Variants in CHRNA7 observed in about 807,000 individuals in gnomAD.
CHRNA7 encodes cholinergic receptor nicotinic alpha 7 subunit, also known as neuronal acetylcholine receptor subunit alpha-7.
In CHRNA7, 17 loss-of-function variants were observed where a neutral mutation model predicts 48.0. The observed-to-expected ratio is 0.35, with a 90% confidence interval of 0.24 to 0.53. The LOEUF (loss-of-function observed/expected upper bound fraction) is 0.53, where lower values mean the gene tolerates loss of function less well. Ranked by LOEUF, CHRNA7 falls within the 20% of genes least tolerant of loss-of-function variation. CHRNA7 has a pLI of 0.92. For synonymous variants in CHRNA7, 75 were observed against 242.3 expected (o/e 0.31, Z 6.41); for missense variants, 155 against 577.7 (o/e 0.27, Z 7.50).
rs76142924 is a variant in CHRNA7, at chr15:32,105,122, G to A, written c.240+3775G>A. Among the ~76,000 whole-genome samples the A allele has an allele frequency of 8.4e-3, 1,283 of 152,294 alleles. 118 individuals are homozygous for A. In the East Asian group the frequency reaches 0.2, roughly 24 times the overall value. ...GACCTCTAAATTTATTTCAAGCACAGCTAATTTTAATTAAGGCTTACATTT... is the reference window on the plus strand; with the variant it reads ...GACCTCTAAATTTATTTCAAGCACAACTAATTTTAATTAAGGCTTACATTT... On this transcript the variant is annotated intron_variant, in intron 3 of 9. Transcript: ENST00000306901.
At chr15:32,045,035 G>A (rs1239025661) in intron 2 of CHRNA7, among the ~76,000 whole-genome samples, 1 of 152,068 alleles carries the variant, frequency 6.6e-6, no homozygotes, top group South Asian at 2.1e-4. Context: ...CCCATTTATT[G>A]ACTCCTTTTT....
At chr15:32,093,415 A>C (rs1268435774) in intron 2 of CHRNA7, among the ~76,000 whole-genome samples, 1 of 152,162 alleles carries the variant, frequency 6.6e-6, no homozygotes, top group East Asian at 1.9e-4. Context: ...CCTGAGAAGG[A>C]TGGGGCAGCT....
At chr15:32,091,314 T>C (rs1169653894) in intron 2 of CHRNA7, among the ~76,000 whole-genome samples, 2 of 152,200 alleles carry the variant, frequency 1.3e-5, no homozygotes. Flanking sequence ...GGTATAATCA[T>C]TGTGTTTTCT....
chr15:32,155,577 T>TA lies in CHRNA7; in HGVS notation c.430+1592dup, dbSNP rs2141369787. ...GGCTATTTTAGAAAACAGCCTCCGG[T>TA]AGTCACCAGTGTAGAATATGCTGCT... On this transcript the variant is annotated intron_variant, in intron 5 of 9. Transcript: ENST00000306901. 2.3e-5 allele frequency among the ~76,000 whole-genome samples: 2 copies of TA among 86,290 alleles called. 1 individual carries two copies. Among genetic ancestry groups the TA allele is most frequent in the African/African-American group, 9.4e-5 (2 of 21,384 alleles). The allele number at this position is 86,290 out of a possible 152,430, so 56.6% of individuals were successfully genotyped here.
At chr15:32,040,841 A>C (rs536565385) in intron 2 of CHRNA7, among the ~76,000 whole-genome samples, 1 of 151,410 alleles carries the variant, frequency 6.6e-6, no homozygotes, top group African/African-American at 2.4e-5. Flanking sequence ...TTCTTTTAAC[A>C]TTTTTTCAAG....
In CHRNA7 at chr15:32,030,526, C is replaced by T. The variant is rs1595363586; in HGVS notation, c.-69C>T. The T allele has an allele frequency of 7.4e-6, 10 of 1,347,866 alleles. No homozygotes were observed. The highest frequency in any genetic ancestry group is 3.1e-5 in the East Asian group (1 of 31,960). The allele number at this position is 1,347,866 out of a possible 1,614,324, so 83.5% of individuals were successfully genotyped here. A position where few individuals can be genotyped will look rare whatever the true frequency, so the allele number is the denominator to read the frequency against. On this transcript the variant is annotated 5_prime_UTR_variant, in exon 1 of 10. Transcript: ENST00000306901. ...CCGAGCGGCGAGGTGCCTCTGTGGC[C>T]GCAGGCGCAGGCCCGGGCGACAGCC...
intron 4 of CHRNA7, among the ~76,000 whole-genome samples, chr15:32,129,010 T>C (rs1236981617): frequency 7.2e-5 from 11 of 151,936 alleles, no homozygotes; most frequent in Non-Finnish European, 1.3e-4. Flanking sequence ...TCAATTGATA[T>C]AATCAGGTGA....
intron 2 of CHRNA7, among the ~76,000 whole-genome samples, chr15:32,055,197 G>A (rs1176595973): frequency 3.3e-5 from 5 of 151,390 alleles, no homozygotes; most frequent in Non-Finnish European, 5.9e-5. Flanking sequence ...TTTGAGAAGT[G>A]TCTAATCGTG....
At chr15:32,135,812 C>T (rs546751734) in intron 4 of CHRNA7, among the ~76,000 whole-genome samples, 1 of 152,166 alleles carries the variant, frequency 6.6e-6, no homozygotes, top group East Asian at 1.9e-4. Flanking sequence ...AAAAAAAGAT[C>T]CTAGAAGCGA....
At chr15:32,067,875 G>A (rs905995183) in intron 2 of CHRNA7, among the ~76,000 whole-genome samples, 4 of 152,160 alleles carry the variant, frequency 2.6e-5, no homozygotes, top group East Asian at 1.9e-4. Context: ...GGGAAAAACA[G>A]CTTTACAAGA....
chr15:32,040,879 A>C (rs1595374774), intron 2 of CHRNA7, among the ~76,000 whole-genome samples: 1 of 151,710 alleles, frequency 6.6e-6, no homozygotes, highest in Non-Finnish European at 1.5e-5. Context: ...AAATTTCTTC[A>C]ATTTTTGCCT....
chr15:32,060,233 G>A (rs1482793259), intron 2 of CHRNA7, among the ~76,000 whole-genome samples: 1 of 152,138 alleles, frequency 6.6e-6, no homozygotes, highest in Non-Finnish European at 1.5e-5. Flanking sequence ...CTGGAGGAGT[G>A]AGGGTAGTGT....
intron 5 of CHRNA7, among the ~76,000 whole-genome samples, chr15:32,155,037 AACC>A (rs535972855): frequency 2.2e-3 from 80 of 36,724 alleles, no homozygotes; most frequent in Middle Eastern, 0.016. Flanking sequence ...AAACCACTCA[AACC>A]ACCAACACAC....
intron 2 of CHRNA7, among the ~76,000 whole-genome samples, chr15:32,098,051 T>C (rs2050501715): frequency 6.6e-6 from 1 of 152,216 alleles, no homozygotes; most frequent in African/African-American, 2.4e-5. Context: ...CAGAGGGCCA[T>C]GTGGGAACTA....
At chr15:32,073,073 C>G (rs534974991) in intron 2 of CHRNA7, among the ~76,000 whole-genome samples, 1 of 152,284 alleles carries the variant, frequency 6.6e-6, no homozygotes, top group Admixed American at 6.5e-5. Flanking sequence ...CACCCTGAGC[C>G]CAGCAAAGCT....
chr15:32,112,111 G>T (rs1048565965), intron 4 of CHRNA7: 3 of 629,526 alleles, frequency 4.8e-6, no homozygotes, highest in African/African-American at 3.6e-5. Flanking sequence ...ACGTGCACAC[G>T]CTGGCTAGCC....
intron 4 of CHRNA7, among the ~76,000 whole-genome samples, chr15:32,119,050 C>G (rs1377485152): frequency 6.6e-6 from 1 of 151,678 alleles, no homozygotes; most frequent in African/African-American, 2.4e-5. Context: ...CTACAGAATA[C>G]TAGGCATGGT....
rs2051967625 is a variant in CHRNA7 at position 32,163,502 on chromosome 15, T to A, written c.990+167T>A. On this transcript the variant is annotated intron_variant, in intron 9 of 9. Coordinates refer to ENST00000306901, the MANE Select transcript of CHRNA7 (RefSeq NM_000746.6). ...TCTCACTATGTCACCCAGGCTGGAG[T>A]GCAGTGGTGTAATCTTGGCTCACTG... 8.7e-6 allele frequency: 2 copies of A among 229,076 alleles called. 1 individual carries two copies. Among genetic ancestry groups the A allele is most frequent in the African/African-American group, 8.8e-5 (2 of 22,616 alleles). The allele number at this position is 229,076 out of a possible 1,614,324, so 14.2% of individuals were successfully genotyped here. A position where few individuals can be genotyped will look rare whatever the true frequency, so the allele number is the denominator to read the frequency against.
rs1250546501 is a variant in CHRNA7, at chr15:32,131,377, T to C, written c.350+19478T>C. 3.3e-5 allele frequency among the ~76,000 whole-genome samples: 5 copies of C among 151,932 alleles called. No homozygotes were observed. The East Asian group carries it at 7.7e-4, about 23-fold the overall frequency. On this transcript the variant is annotated intron_variant, in intron 4 of 9. Transcript: ENST00000306901. The stretch of plus-strand genomic sequence containing the variant: ...TGTCGATTTTTTTTCTTTTTTTTGG[T>C]CTATTTTACCTTTGTTGCTCCGATT...
Sources: gnomAD v4.1 joint callset for allele counts (sites outside exome capture counted in the v4.1 genomes callset) on GRCh38, gnomAD v4.1.1 for gene constraint, MANE v1.5 for transcripts, NCBI Gene and HGNC (gene_info 2026-07-23, HGNC 2026-07-21) for gene names.